Variants in TAF1 observed in about 807,000 individuals in gnomAD.
TAF1 encodes the protein transcription initiation factor TFIID subunit 1.
Under a neutral mutation model 138.5 loss-of-function variants are expected in TAF1, and 2 were observed. That is an observed-to-expected ratio of 0.01 (90% CI 0.01 to 0.05). The LOEUF (loss-of-function observed/expected upper bound fraction) is 0.05, where lower values mean the gene tolerates loss of function less well. Ranked by LOEUF, TAF1 falls within the 10% of genes least tolerant of loss-of-function variation. The pLI, the probability that TAF1 is intolerant of heterozygous loss-of-function variation, is 1.00. For missense variants in TAF1, 709 were observed against 1,478.0 expected (o/e 0.48, Z 8.53); for synonymous variants, 437 against 503.2 (o/e 0.87, Z 1.76).
At chrX:71,412,591 G>A (rs888468202) in intron 28 of TAF1, among the ~76,000 whole-genome samples, 1 of 110,892 alleles carries the variant, frequency 9.0e-6, no homozygotes, top group Admixed American at 9.6e-5. Context: ...GACATTTGGG[G>A]TTTTTTTTGT....
chrX:71,444,282 A>G (rs2037576259), intron 32 of TAF1, among the ~76,000 whole-genome samples: 1 of 112,442 alleles, frequency 8.9e-6, no homozygotes, highest in African/African-American at 3.2e-5. Flanking sequence ...TGTTAGGACT[A>G]CAGTCGTGAG....
At chrX:71,459,192 G>A (rs1351930419) in intron 35 of TAF1, 1 of 1,094,830 alleles carries the variant, frequency 9.1e-7, no homozygotes, top group South Asian at 1.8e-5. Context: ...AGACTCTGAT[G>A]TAGATATTGA....
chrX:71,424,002 A>T lies in TAF1; in HGVS notation c.4604A>T (p.Lys1535Met). 1 of 1,208,832 alleles carries T rather than the reference A, an allele frequency of 8.3e-7. No homozygotes were observed. Among genetic ancestry groups the T allele is most frequent in the Non-Finnish European group, 1.1e-6 (1 of 894,200 alleles). ...TGGCCATTTCATCACCCAGTTAATA[A>T]GAAATTTGTTCCAGATTATTACAAA... is the stretch of plus-strand genomic sequence containing the variant. ...DSWPFHHPVN[K>M]KFVPDYYKVI... Residue 1535 changes from lysine (K) to methionine (M), a missense_variant, in exon 31 of 38, where the codon AAG (lysine) becomes ATG (methionine). Around this residue, in one of 14 missense-constraint regions of TAF1, gnomAD observed 63 missense variants for 163.3 expected, o/e 0.39. Coordinates refer to ENST00000423759, the MANE Select transcript of TAF1 (RefSeq NM_004606.5).
At chrX:71,382,732 C>T in intron 10 of TAF1, 29 bp from the exon 11 acceptor site, 3 of 1,204,067 alleles carry the variant, frequency 2.5e-6, no homozygotes, top group Non-Finnish European at 2.2e-6. Context: ...GATAGTCTGA[C>T]CGAGATTTGT....
At chrX:71,480,835 A>C (rs2039057782) in intron 13 of TAF1, among the ~76,000 whole-genome samples, 1 of 112,036 alleles carries the variant, frequency 8.9e-6, no homozygotes, top group Admixed American at 9.6e-5. Flanking sequence ...GAAGGAATAA[A>C]TTATGTGGCT....
chrX:71,498,496 C>T (rs1418679545), intron 13 of TAF1, among the ~76,000 whole-genome samples: 1 of 111,855 alleles, frequency 8.9e-6, no homozygotes, highest in African/African-American at 3.2e-5. Flanking sequence ...CTTACTAAGC[C>T]TTAAGCTTTT....
rs1638346257 is a variant in TAF1, at chrX:71,377,026, C to T, written c.549C>T (p.Phe183=). The T allele has an allele frequency of 1.7e-6, 2 of 1,209,858 alleles. No individual in the cohort carries two copies. Among genetic ancestry groups the T allele is most frequent in the African/African-American group, 3.5e-5 (2 of 57,099 alleles). Residue 183 remains phenylalanine, a synonymous_variant, in exon 5 of 38, where the codon TTC becomes TTT. Transcript: ENST00000423759. ...PSSLASEKVD[F]SSSSDSESEM... ...CTTTGGCCTCAGAGAAAGTGGACTT[C>T]AGTAGTTCCTCTGACTCAGAATCTG...
In TAF1 at chrX:71,389,617, T is replaced by C; in HGVS notation, c.2733T>C (p.Ala911=). ...GCTATGGTGAGAAATCCTTTTTTGC[T>C]CCAGAAGAAGAAAATGAGGAAGATT... ...DAGYGEKSFF[A]PEEENEEDFQ... Residue 911 remains alanine (A), a synonymous_variant, in exon 18 of 38, where the codon GCT becomes GCC. Transcript: ENST00000423759. The C allele has an allele frequency of 3.3e-6, 4 of 1,208,380 alleles. No individual in the cohort carries two copies. Among genetic ancestry groups the C allele is most frequent in the South Asian group, 3.6e-5 (2 of 56,033 alleles).
intron 32 of TAF1, among the ~76,000 whole-genome samples, chrX:71,427,728 C>T (rs2036661801): frequency 9.0e-6 from 1 of 110,590 alleles, no homozygotes; most frequent in African/African-American, 3.3e-5. Context: ...CACCTTAGGT[C>T]GGCAGTTTGA....
At position 71,381,839 on chromosome X, in the gene TAF1, T is replaced by C. The variant is rs1313005820; in HGVS notation, c.1457T>C (p.Ile486Thr). The change falls in exon 9 of 38, where the codon ATT becomes ACT. Residue 486 changes from isoleucine to threonine, a missense_variant. Physicochemically the swap from Ile to Thr is moderately conservative, Grantham distance 89. Around this residue, in one of 14 missense-constraint regions of TAF1, gnomAD observed 201 missense variants for 421.3 expected, o/e 0.48. Coordinates refer to ENST00000423759, the MANE Select transcript of TAF1 (RefSeq NM_004606.5). ...TATGGACGCTGGGAGGACAATATCA[T>C]TTGGGATGCTCAGGCCATGCCCCGG... is the stretch of plus-strand genomic sequence containing the variant. ...LVYGRWEDNI[I>T]WDAQAMPRLL... 8.3e-7 allele frequency: 1 copy of C among 1,198,672 alleles called. No homozygotes were observed. Among genetic ancestry groups the C allele is most frequent in the Non-Finnish European group, 1.1e-6 (1 of 888,506 alleles).
At chrX:71,511,168 A>G (rs954253060) in intron 13 of TAF1, among the ~76,000 whole-genome samples, 1 of 112,206 alleles carries the variant, frequency 8.9e-6, no homozygotes, top group African/African-American at 3.2e-5. Context: ...CACAATATAG[A>G]GAATGTTTGT....
intron 29 of TAF1, 143 bp downstream of exon 29, chrX:71,421,519 C>T (rs909332245): frequency 1.2e-5 from 6 of 486,029 alleles, no homozygotes; most frequent in African/African-American, 1.2e-4. Context: ...CTGGAAGGGA[C>T]TTATAGAACT....
chrX:71,504,896 G>A (rs1425303853), intron 13 of TAF1, among the ~76,000 whole-genome samples: 3 of 109,448 alleles, frequency 2.7e-5, no homozygotes, highest in South Asian at 4.0e-4. Context: ...CTGGGAGGCC[G>A]AGACAGGTGG....
intron 24 of TAF1, among the ~76,000 whole-genome samples, chrX:71,399,767 T>C (rs1219024097): frequency 9.1e-6 from 1 of 109,297 alleles, no homozygotes; most frequent in Non-Finnish European, 1.9e-5. Flanking sequence ...GTTTCGCTCT[T>C]GTTGCTCAGG....
intron 8 of TAF1, among the ~76,000 whole-genome samples, chrX:71,381,279 T>A (rs773967346): frequency 1.8e-5 from 2 of 112,389 alleles, no homozygotes; most frequent in South Asian, 3.6e-4. Flanking sequence ...TTATTTATTT[T>A]TTGAGACAGA....
At chrX:71,432,518 G>C (rs1301033063) in intron 32 of TAF1, among the ~76,000 whole-genome samples, 1 of 107,506 alleles carries the variant, frequency 9.3e-6, no homozygotes, top group East Asian at 2.9e-4. Flanking sequence ...TTTTTTGGCA[G>C]TATCAGTTGG....
intron 20 of TAF1, 127 bp downstream of exon 20, chrX:71,393,121 T>C (rs2034653442): frequency 9.3e-7 from 1 of 1,074,195 alleles, no homozygotes; most frequent in African/African-American, 1.9e-5. Flanking sequence ...AAGTCTTAGA[T>C]ATTGTTTTAG....
chrX:71,472,598 G>A (rs1471920078), intron 13 of TAF1, among the ~76,000 whole-genome samples: 3 of 111,069 alleles, frequency 2.7e-5, no homozygotes, highest in Non-Finnish European at 5.7e-5. Flanking sequence ...CGGGCGTGGT[G>A]GCGCACACCT....
intron 37 of TAF1, among the ~76,000 whole-genome samples, 186 bp from the exon 38 acceptor site, chrX:71,463,638 C>T (rs1207221033): frequency 9.0e-6 from 1 of 111,475 alleles, no homozygotes; most frequent in Non-Finnish European, 1.9e-5. Context: ...GTGTATATGA[C>T]GTTGGCAAGT....
Sources: allele counts gnomAD v4.1 joint callset (sites outside exome capture counted in the v4.1 genomes callset), GRCh38; gene constraint gnomAD v4.1.1; regional missense constraint gnomAD v4.1.1; transcripts MANE v1.5; gene names NCBI Gene and HGNC (gene_info 2026-07-23, HGNC 2026-07-21).